Variants in MGAT5 observed in about 807,000 individuals in gnomAD.
MGAT5 encodes alpha-1,6-mannosylglycoprotein 6-beta-N-acetylglucosaminyltransferase.
In MGAT5, 30 loss-of-function variants were observed where a neutral mutation model predicts 94.3. That is an observed-to-expected ratio of 0.32 (90% confidence interval 0.24 to 0.43). The LOEUF (loss-of-function observed/expected upper bound fraction) is 0.43. Among genes scored for constraint, MGAT5 ranks in the 20% least tolerant of loss-of-function variants. MGAT5 has a pLI of 1.00. For synonymous variants in MGAT5, 310 were observed against 322.9 expected, an observed-to-expected ratio of 0.96 and a Z score of 0.43; for missense variants, 691 against 905.5, an observed-to-expected ratio of 0.76 and a Z score of 3.04.
chr2:134,267,767 C>G (rs1683806678), intron 1 of MGAT5, among the ~76,000 whole-genome samples: 1 of 152,206 alleles, frequency 6.6e-6, no homozygotes, highest in Non-Finnish European at 1.5e-5. Context: ...TCTGTTAGCT[C>G]CCCCATAGGG....
At chr2:134,165,788 T>C (rs1001651619) in intron 1 of MGAT5, among the ~76,000 whole-genome samples, 1 of 151,684 alleles carries the variant, frequency 6.6e-6, no homozygotes, top group African/African-American at 2.4e-5. Context: ...AAAAAAAAAT[T>C]CTAGGGAGCC....
rs117206120 is a variant in MGAT5 at position 134,412,985 on chromosome 2, C to A, written c.1647C>A (p.Asp549Glu). ...CACCCAAAAGCAGCAAAAACACAGACTTTTTCATTGGCAAGCCAACTCTGA... is the reference window on the plus strand; with the variant it reads ...CACCCAAAAGCAGCAAAAACACAGAATTTTTCATTGGCAAGCCAACTCTGA... ...FNPPKSSKNT[D>E]FFIGKPTLRE... Residue 549 changes from aspartate (D) to glutamate (E), a missense_variant, in exon 12 of 16, where the codon GAC becomes GAA. Transcript: ENST00000281923. The A allele has an allele frequency of 3.1e-4, 507 of 1,614,114 alleles. 4 individuals carry two copies. The East Asian group carries it at 9.7e-3, about 31-fold the overall frequency.
intron 6 of MGAT5, among the ~76,000 whole-genome samples, chr2:134,340,700 AT>A (rs1175720890): frequency 3.2e-4 from 49 of 152,248 alleles, no homozygotes; most frequent in Non-Finnish European, 5.4e-4. Context: ...ATAGAGAGGT[AT>A]TATTCCAGCT....
chr2:134,430,486 G>A (rs538761567), intron 14 of MGAT5, among the ~76,000 whole-genome samples: 126 of 152,208 alleles, frequency 8.3e-4, no homozygotes, highest in Middle Eastern at 6.8e-3. Context: ...ACACATGGTC[G>A]GTGCACAGTA....
At chr2:134,336,385 A>G in intron 5 of MGAT5, 97 bp downstream of exon 5, 1 of 1,005,814 alleles carries the variant, frequency 9.9e-7, no homozygotes, top group Non-Finnish European at 1.5e-6. Context: ...CTATAACCTG[A>G]AATAGTGTTA....
intron 4 of MGAT5, among the ~76,000 whole-genome samples, chr2:134,330,200 A>G (rs1382830992): frequency 6.6e-6 from 1 of 152,166 alleles, no homozygotes; most frequent in Non-Finnish European, 1.5e-5. Flanking sequence ...ATAGGATAAT[A>G]AAATTAAGAG....
chr2:134,130,399 C>T (rs1224412219), intron 1 of MGAT5, among the ~76,000 whole-genome samples: 6 of 152,342 alleles, frequency 3.9e-5, no homozygotes, highest in East Asian at 3.9e-4. Context: ...AATGCAGGCG[C>T]GGGGCGTGGG....
intron 1 of MGAT5, among the ~76,000 whole-genome samples, chr2:134,162,677 G>C (rs1002459062): frequency 1.3e-5 from 2 of 152,170 alleles, no homozygotes; most frequent in African/African-American, 4.8e-5. Context: ...TATTTCCACT[G>C]TGTTACATTG....
intron 1 of MGAT5, among the ~76,000 whole-genome samples, chr2:134,232,080 A>G (rs1010411476): frequency 1.1e-5 from 1 of 87,028 alleles, no homozygotes; most frequent in African/African-American, 4.0e-5. Flanking sequence ...TGGTCATTCT[A>G]TACTCCTCCT....
At chr2:134,208,710 C>T (rs981789921) in intron 1 of MGAT5, among the ~76,000 whole-genome samples, 1 of 152,158 alleles carries the variant, frequency 6.6e-6, no homozygotes, top group East Asian at 1.9e-4. Flanking sequence ...GTATGAAATG[C>T]CCAAGGGAAC....
intron 1 of MGAT5, among the ~76,000 whole-genome samples, chr2:134,149,321 T>C (rs1223606314): frequency 6.6e-6 from 1 of 152,080 alleles, no homozygotes; most frequent in Non-Finnish European, 1.5e-5. Flanking sequence ...ATTACCATTA[T>C]CCTCCATGTG....
chr2:134,129,798 G>A (rs1377985435), intron 1 of MGAT5, among the ~76,000 whole-genome samples: 2 of 151,944 alleles, frequency 1.3e-5, no homozygotes, highest in Admixed American at 6.6e-5. Context: ...AGCAGCCCTC[G>A]CTCGCTCTCA....
chr2:134,387,650 C>T (rs1682114607), intron 10 of MGAT5, among the ~76,000 whole-genome samples: 1 of 152,028 alleles, frequency 6.6e-6, no homozygotes, highest in South Asian at 2.1e-4. Flanking sequence ...TAACAAAACA[C>T]CTAGCAAGCT....
At chr2:134,400,346 AT>A (rs961277547) in intron 10 of MGAT5, among the ~76,000 whole-genome samples, 2 of 151,968 alleles carry the variant, frequency 1.3e-5, no homozygotes, top group Non-Finnish European at 1.5e-5. Flanking sequence ...GGCTTGAAAC[AT>A]TTTTTTTCCT....
intron 2 of MGAT5, among the ~76,000 whole-genome samples, chr2:134,287,334 C>T (rs1009328402): frequency 7.9e-5 from 12 of 152,178 alleles, no homozygotes; most frequent in South Asian, 4.1e-4. Context: ...CAATATTCTT[C>T]GCTCATCTGT....
intron 2 of MGAT5, among the ~76,000 whole-genome samples, chr2:134,297,063 G>A (rs539611994): frequency 1.0e-3 from 152 of 152,052 alleles, no homozygotes; most frequent in Non-Finnish European, 1.6e-3. Flanking sequence ...TGGGTGTGGT[G>A]ACACACACTT....
chr2:134,366,082 A>C (rs1680410850), intron 10 of MGAT5, among the ~76,000 whole-genome samples: 1 of 152,266 alleles, frequency 6.6e-6, no homozygotes, highest in East Asian at 1.9e-4. Context: ...CTAATCCCAA[A>C]TAGAAGTCTC....
chr2:134,296,778 G>T (rs1257515278), intron 2 of MGAT5, among the ~76,000 whole-genome samples: 1 of 152,056 alleles, frequency 6.6e-6, no homozygotes, highest in Non-Finnish European at 1.5e-5. Context: ...TCCAAAAAAG[G>T]GAAGATTGCA....
chr2:134,147,250 C>T (rs73005589), intron 1 of MGAT5, among the ~76,000 whole-genome samples: 9,736 of 152,128 alleles, frequency 0.064, 734 homozygotes, highest in African/African-American at 0.18. Flanking sequence ...AGTGCTGTAA[C>T]GGAAGTCTAA....
Sources: allele counts gnomAD v4.1 joint callset (sites outside exome capture counted in the v4.1 genomes callset), GRCh38; gene constraint gnomAD v4.1.1; transcripts MANE v1.5; gene names NCBI Gene and HGNC (gene_info 2026-07-23, HGNC 2026-07-21).